NFE2L2: variants seen among roughly 807,000 people sequenced by gnomAD.
NFE2L2 encodes the protein NFE2 like bZIP transcription factor 2.
NFE2L2 carries 20 observed loss-of-function variants against 49.6 expected under a neutral mutation model. The observed-to-expected ratio is 0.40, with a 90% CI of 0.28 to 0.59. The LOEUF (loss-of-function observed/expected upper bound fraction) is 0.59. NFE2L2 is among the 20% of genes least tolerant of loss of function. The pLI, the probability that NFE2L2 is intolerant of heterozygous loss-of-function variation, is 0.40. For synonymous variants in NFE2L2, 244 were observed against 256.5 expected, an observed-to-expected ratio of 0.95 and a Z score of 0.47; for missense variants, 578 against 714.2, an observed-to-expected ratio of 0.81 and a Z score of 2.17.
chr2:177,245,334 G>A (rs1273143489), intron 1 of NFE2L2, among the ~76,000 whole-genome samples: 2 of 152,156 alleles, frequency 1.3e-5, no homozygotes, highest in African/African-American at 4.8e-5. Context: ...GAGATCATTT[G>A]TGCAGGGTCA....
intron 1 of NFE2L2, among the ~76,000 whole-genome samples, chr2:177,245,947 G>A (rs150030372): frequency 6.6e-6 from 1 of 152,078 alleles, no homozygotes; most frequent in Admixed American, 6.5e-5. Flanking sequence ...TTGAGGCTTC[G>A]GGGATTAAGC....
At chr2:177,240,848 T>C (rs963281050) in intron 1 of NFE2L2, among the ~76,000 whole-genome samples, 7 of 152,152 alleles carry the variant, frequency 4.6e-5, no homozygotes, top group African/African-American at 9.7e-5. Context: ...ATCCAAAATA[T>C]TGGAAAAGAT....
rs1301538121 is a variant in NFE2L2 at position 177,264,594 on chromosome 2, G to A, written c.-18C>T. 3 of 1,457,830 alleles carry A rather than the reference G, an allele frequency of 2.1e-6. No individual in the cohort carries two copies. The African/African-American group carries it at 4.4e-5, about 21-fold the overall frequency. 90.3% of individuals were successfully genotyped at this position (1,457,830 alleles called of 1,614,324 possible). ...TCCATCATGATGAGCTGTGGACCGT[G>A]TGTTGGGGCTCCCCGACGGCGGCCC... On this transcript the variant is annotated 5_prime_UTR_variant, in exon 1 of 5. Transcript: ENST00000397062.
intron 1 of NFE2L2, among the ~76,000 whole-genome samples, chr2:177,236,425 C>G (rs1689753115): frequency 6.6e-6 from 1 of 152,178 alleles, no homozygotes; most frequent in Non-Finnish European, 1.5e-5. Context: ...TTAGGTATAC[C>G]TCACTAGGAC....
intron 1 of NFE2L2, among the ~76,000 whole-genome samples, chr2:177,255,577 T>C (rs1306235664): frequency 6.6e-6 from 1 of 152,106 alleles, no homozygotes; most frequent in East Asian, 1.9e-4. Flanking sequence ...TTTTTTTCAT[T>C]GAGACATGAT....
chr2:177,264,662 TGGCGGC>T lies in NFE2L2; in HGVS notation c.-92_-87del, dbSNP rs143406266. ...CGCGGCGCGGACAGGGCGGCTCTGG[TGGCGGC>T]GGCGGCGGCGGTGGCGGCTGCGTCG... On this transcript the variant is annotated 5_prime_UTR_variant, in exon 1 of 5. Transcript: ENST00000397062. 27 of 1,176,488 alleles carry T rather than the reference TGGCGGC, an allele frequency of 2.3e-5. No individual in the cohort carries two copies. The highest frequency in any genetic ancestry group is 8.8e-5 in the South Asian group (3 of 34,206). The allele number at this position is 1,176,488 out of a possible 1,614,324, so 72.9% of individuals were successfully genotyped here. A position where few individuals can be genotyped will look rare whatever the true frequency, so the allele number is the denominator to read the frequency against.
intron 1 of NFE2L2, among the ~76,000 whole-genome samples, chr2:177,242,655 G>A (rs1689978906): frequency 6.6e-6 from 1 of 152,112 alleles, no homozygotes; most frequent in Admixed American, 6.5e-5. Flanking sequence ...CCAATTTACT[G>A]GAACTCTCAC....
At chr2:177,237,760 C>A (rs1440940799) in intron 1 of NFE2L2, among the ~76,000 whole-genome samples, 1 of 152,150 alleles carries the variant, frequency 6.6e-6, no homozygotes, top group Non-Finnish European at 1.5e-5. Flanking sequence ...CTCAAGTGAT[C>A]TGCCTGCCTC....
At chr2:177,237,403 AAATAGGT>A in intron 1 of NFE2L2, among the ~76,000 whole-genome samples, 1 of 152,398 alleles carries the variant, frequency 6.6e-6, no homozygotes, top group South Asian at 2.1e-4. Context: ...ATTCCCACTA[AAATAGGT>A]ATGAGAATAA....
intron 1 of NFE2L2, chr2:177,263,911 A>G: frequency 1.0e-6 from 1 of 985,582 alleles, no homozygotes; most frequent in Non-Finnish European, 1.2e-6. Flanking sequence ...CAAGGCTGCC[A>G]GAGAGTGATC....
chr2:177,255,121 T>TTTG (rs1690470411), intron 1 of NFE2L2, among the ~76,000 whole-genome samples: 1 of 152,190 alleles, frequency 6.6e-6, no homozygotes, highest in South Asian at 2.1e-4. Context: ...GACCCAGACT[T>TTTG]CCAAGAGTCC....
chr2:177,252,302 C>T (rs1167723294), intron 1 of NFE2L2, among the ~76,000 whole-genome samples: 2 of 152,182 alleles, frequency 1.3e-5, no homozygotes, highest in Admixed American at 1.3e-4. Flanking sequence ...TTTGTCAGAG[C>T]ACTTTGTACC....
chr2:177,263,662 G>C, intron 1 of NFE2L2: 15 of 985,494 alleles, frequency 1.5e-5, no homozygotes, highest in Non-Finnish European at 1.7e-5. Context: ...CCACCAGGGG[G>C]CACCGCGTCC....
Position 177,264,671 on chromosome 2 carries a change from C to CTCTGGT in NFE2L2, c.-96_-95insACCAGA. 2.6e-6 allele frequency: 3 copies of CTCTGGT among 1,171,486 alleles called. No individual in the cohort carries two copies. Among genetic ancestry groups the CTCTGGT allele is most frequent in the Non-Finnish European group, 3.3e-6 (3 of 918,632 alleles). The allele number at this position is 1,171,486 out of a possible 1,614,324, so 72.6% of individuals were successfully genotyped here. ...GACAGGGCGGCTCTGGTGGCGGCGG[C>CTCTGGT]GGCGGCGGTGGCGGCTGCGTCGGCG... On this transcript the variant is annotated 5_prime_UTR_variant, in exon 1 of 5. Coordinates refer to ENST00000397062, the MANE Select transcript of NFE2L2 (RefSeq NM_006164.5).
At chr2:177,233,511 G>A (rs1689632398) in intron 2 of NFE2L2, 172 bp from the exon 3 acceptor site, 1 of 594,378 alleles carries the variant, frequency 1.7e-6, no homozygotes, top group Non-Finnish European at 2.9e-6. Context: ...CATGGGTTCA[G>A]ATCTTAGCTC....
chr2:177,245,756 C>A (rs746518614), intron 1 of NFE2L2, among the ~76,000 whole-genome samples: 1 of 152,022 alleles, frequency 6.6e-6, no homozygotes, highest in Non-Finnish European at 1.5e-5. Context: ...ATTACAGGCA[C>A]CTGCCACCAT....
Position 177,230,591 on chromosome 2 carries a change from G to T in NFE2L2, c.*194C>A. On this transcript the variant is annotated 3_prime_UTR_variant, in exon 5 of 5. Coordinates refer to ENST00000397062, the MANE Select transcript of NFE2L2 (RefSeq NM_006164.5). The stretch of plus-strand genomic sequence containing the variant: ...ATGGTGTCCTAAGAAATTGTTTACA[G>T]TTAAAGTGAAACTACTGATTCAACA... The T allele has an allele frequency of 1.7e-6, 1 of 577,750 alleles. No homozygotes were observed. Among genetic ancestry groups the T allele is most frequent in the Non-Finnish European group, 2.8e-6 (1 of 363,432 alleles). The allele number at this position is 577,750 out of a possible 1,614,324, so 35.8% of individuals were successfully genotyped here.
intron 1 of NFE2L2, among the ~76,000 whole-genome samples, chr2:177,246,899 T>C (rs1038135164): frequency 1.5e-4 from 23 of 151,852 alleles, no homozygotes; most frequent in Non-Finnish European, 2.5e-4. Flanking sequence ...CACCCAGACT[T>C]TGCCTCACTA....
chr2:177,244,223 C>G (rs1690041807), intron 1 of NFE2L2, among the ~76,000 whole-genome samples: 1 of 151,340 alleles, frequency 6.6e-6, no homozygotes, highest in East Asian at 2.0e-4. Flanking sequence ...ATCGCTTGAA[C>G]CCGGGGAGGC....
Sources: gnomAD v4.1 joint callset for allele counts (sites outside exome capture counted in the v4.1 genomes callset) on GRCh38, gnomAD v4.1.1 for gene constraint, MANE v1.5 for transcripts, NCBI Gene and HGNC (gene_info 2026-07-23, HGNC 2026-07-21) for gene names.